The following TMX2 variants were observed in gnomAD, a reference collection of about 807,000 sequenced individuals.
The protein encoded by TMX2 is thioredoxin related transmembrane protein 2.
Under a neutral mutation model 33.4 loss-of-function variants are expected in TMX2, and 20 were observed. The ratio of observed to expected loss-of-function variants is 0.60; its 90% CI spans 0.42 to 0.87. The LOEUF (loss-of-function observed/expected upper bound fraction) is 0.87. Among genes scored for constraint, TMX2 ranks in the 40% least tolerant of loss-of-function variants. The probability of loss-of-function intolerance (pLI) is 0.00; values close to 1 mark genes in which losing one functional copy is unlikely to be tolerated. For missense variants in TMX2, 340 were observed against 370.7 expected, an observed-to-expected ratio of 0.92 and a Z score of 0.68; for synonymous variants, 166 against 140.7, an observed-to-expected ratio of 1.18 and a Z score of -1.27.
At chr11:57,733,547 G>T (rs577400533) in intron 1 of TMX2, among the ~76,000 whole-genome samples, 4 of 151,902 alleles carry the variant, frequency 2.6e-5, no homozygotes, top group Non-Finnish European at 5.9e-5. Flanking sequence ...GTGAGTCACC[G>T]CGCCCAGCCT....
chr11:57,718,107 T>C, intron 1 of TMX2: 2 of 1,237,268 alleles, frequency 1.6e-6, no homozygotes, highest in Admixed American at 1.7e-5. Flanking sequence ...CCCAAAGCGC[T>C]CCATGGCCTC....
Position 57,739,019 on chromosome 11 carries a change from C to A in TMX2, c.594C>A (p.Arg198=). Residue 198 remains arginine (R), a synonymous_variant, in exon 6 of 8, where the codon CGC becomes CGA. Coordinates refer to ENST00000278422, the MANE Select transcript of TMX2 (RefSeq NM_015959.4). ...GLNFGKVDVG[R]YTDVSTRYKV... ...ATTTTGGGAAGGTGGATGTTGGACG[C>A]TATACTGATGTTAGTACGCGGTATG... The A allele has an allele frequency of 1.2e-6, 2 of 1,614,110 alleles. No individual in the cohort carries two copies. The highest frequency in any genetic ancestry group is 1.7e-6 in the Non-Finnish European group (2 of 1,180,020).
Position 57,712,809 on chromosome 11 carries a change from T to TA in TMX2, c.189+2_189+3insA, listed in dbSNP as rs1946693759. 1.9e-6 allele frequency: 3 copies of TA among 1,613,932 alleles called. No individual in the cohort carries two copies. The highest frequency in any genetic ancestry group is 1.7e-6 in the Non-Finnish European group (2 of 1,179,960). ...GGTAACCCGTGTGACTTTGACTGGGTGAGCCTCCCGCGTGTTAGTACCCCG... is the reference window on the plus strand; with the variant it reads ...GGTAACCCGTGTGACTTTGACTGGGTAGAGCCTCCCGCGTGTTAGTACCCCG... On this transcript the variant is annotated splice_region_variant and intron_variant, in intron 1 of 7. Transcript: ENST00000278422.
At chr11:57,728,155 T>C (rs773452591) in intron 1 of TMX2, among the ~76,000 whole-genome samples, 2 of 150,388 alleles carry the variant, frequency 1.3e-5, no homozygotes, top group Non-Finnish European at 3.0e-5. Context: ...GAAAATATTT[T>C]ACAGAGTTTC....
In TMX2 at chr11:57,739,275, G is replaced by A; in HGVS notation, c.744+15G>A. ...CCTTCTCTGAGGTACCTGAAAGGAA[G>A]GGCAGGTGCATGAAGGGTGCAGAAC... On this transcript the variant is annotated intron_variant, in intron 7 of 7. Transcript: ENST00000278422. 1.2e-6 allele frequency: 2 copies of A among 1,614,048 alleles called. No individual in the cohort carries two copies. The highest frequency in any genetic ancestry group is 8.5e-7 in the Non-Finnish European group (1 of 1,180,012).
At chr11:57,721,001 A>G (rs1344204031) in intron 1 of TMX2, among the ~76,000 whole-genome samples, 2 of 137,084 alleles carry the variant, frequency 1.5e-5, no homozygotes, top group Admixed American at 1.6e-4. Context: ...TACTAGAAAG[A>G]TAGCTGTTTT....
intron 1 of TMX2, among the ~76,000 whole-genome samples, chr11:57,726,233 T>C (rs1947972935): frequency 6.6e-6 from 1 of 151,966 alleles, no homozygotes; most frequent in African/African-American, 2.4e-5. Context: ...GGCAACATGG[T>C]GAAACCCCAT....
intron 1 of TMX2, chr11:57,718,173 C>A: frequency 8.0e-7 from 1 of 1,254,508 alleles, no homozygotes; most frequent in Non-Finnish European, 1.2e-6. Flanking sequence ...GCCATCCAAC[C>A]ACTCACTCTT....
chr11:57,723,632 C>G (rs1158446927), intron 1 of TMX2, among the ~76,000 whole-genome samples: 1 of 149,810 alleles, frequency 6.7e-6, no homozygotes, highest in Non-Finnish European at 1.5e-5. Flanking sequence ...GAAACCCTGT[C>G]CTACTAAAAA....
Position 57,737,931 on chromosome 11 carries a change from T to G in TMX2, c.269T>G (p.Ile90Arg). The G allele has an allele frequency of 6.2e-7, 1 of 1,614,176 alleles. No individual in the cohort carries two copies. The change falls in exon 3 of 8, where the codon ATA becomes AGA. Residue 90 changes from isoleucine to arginine, a missense_variant. By Grantham distance (97) the Ile-to-Arg change is moderately conservative. Coordinates refer to ENST00000278422, the MANE Select transcript of TMX2 (RefSeq NM_015959.4). ...GTTTCAGTCACTGTGGAGCAACATA[T>G]AGGCAACATTTTCATGTTTAGTAAA... ...NRRSITVEQH[I>R]GNIFMFSKVA...
Position 57,738,040 on chromosome 11 carries a change from C to T in TMX2, c.364+14C>T, listed in dbSNP as rs1948858332. On this transcript the variant is annotated intron_variant, in intron 3 of 7. Coordinates refer to ENST00000278422, the MANE Select transcript of TMX2 (RefSeq NM_015959.4). Reference sequence around the variant, plus strand: ...CACTCTGCATAGGTGAGGAGACTGCCTTTCTTTCTTTTTTTTTTTTTGTAA... The same window carrying T: ...CACTCTGCATAGGTGAGGAGACTGCTTTTCTTTCTTTTTTTTTTTTTGTAA... 2 of 1,551,252 alleles carry T rather than the reference C, an allele frequency of 1.3e-6. No individual in the cohort carries two copies.
intron 1 of TMX2, among the ~76,000 whole-genome samples, chr11:57,732,528 T>C (rs1948463608): frequency 6.6e-6 from 1 of 152,236 alleles, no homozygotes; most frequent in African/African-American, 2.4e-5. Flanking sequence ...AGACCTTTTA[T>C]AAAGTTCATT....
chr11:57,728,767 G>A (rs972887149), intron 1 of TMX2, among the ~76,000 whole-genome samples: 2 of 152,120 alleles, frequency 1.3e-5, no homozygotes, highest in African/African-American at 4.8e-5. Context: ...TGAAGAGAAA[G>A]GGTGTTTGCT....
chr11:57,730,039 G>A (rs1186091071), intron 1 of TMX2, among the ~76,000 whole-genome samples: 1 of 151,572 alleles, frequency 6.6e-6, no homozygotes, highest in Non-Finnish European at 1.5e-5. Flanking sequence ...GGGAGATGGA[G>A]GTTGTGGTGA....
chr11:57,740,926 A>C lies in TMX2; in HGVS notation c.*681A>C, dbSNP rs943064842. ...ACTAACCCTCTGACATACTCCCCAC[A>C]CCCAGTTGATGGCTTTCCGTAATAA... On this transcript the variant is annotated 3_prime_UTR_variant, in exon 8 of 8. Coordinates refer to ENST00000278422, the MANE Select transcript of TMX2 (RefSeq NM_015959.4). 1 of 152,248 alleles carries C rather than the reference A, an allele frequency of 6.6e-6. No individual in the cohort carries two copies. The highest frequency in any genetic ancestry group is 2.4e-5 in the African/African-American group (1 of 41,458). The allele number at this position is 152,248 out of a possible 1,614,324, so 9.4% of individuals were successfully genotyped here. A position where few individuals can be genotyped will look rare whatever the true frequency, so the allele number is the denominator to read the frequency against.
rs140055171 is a variant in TMX2, at chr11:57,739,936, A to G, written c.745-163A>G. ...GGCACATAATGGGTATTTAACTATT[A>G]GTTGACTTTTCTGGGTACCTAAAAA... is the stretch of plus-strand genomic sequence containing the variant. On this transcript the variant is annotated intron_variant, in intron 7 of 7. Transcript: ENST00000278422. 8.5e-5 allele frequency among the ~76,000 whole-genome samples: 13 copies of G among 152,274 alleles called. No homozygotes were observed. In the East Asian group the frequency reaches 2.3e-3, roughly 27 times the overall value.
At chr11:57,716,895 C>T (rs1306600918) in intron 1 of TMX2, among the ~76,000 whole-genome samples, 2 of 151,736 alleles carry the variant, frequency 1.3e-5, no homozygotes, top group African/African-American at 4.9e-5. Flanking sequence ...AGACGCTCCT[C>T]ATTTCCCAGA....
rs370869840 is a variant in TMX2 at position 57,712,817 on chromosome 11, C to A, written c.189+10C>A. 6.2e-7 allele frequency: 1 copy of A among 1,613,696 alleles called. No individual in the cohort carries two copies. Among genetic ancestry groups the A allele is most frequent in the Non-Finnish European group, 8.5e-7 (1 of 1,179,950 alleles). ...GTGTGACTTTGACTGGGTGAGCCTC[C>A]CGCGTGTTAGTACCCCGCGACCTTG... On this transcript the variant is annotated intron_variant, in intron 1 of 7. Coordinates refer to ENST00000278422, the MANE Select transcript of TMX2 (RefSeq NM_015959.4).
chr11:57,713,187 G>A (rs901764562), intron 1 of TMX2, among the ~76,000 whole-genome samples: 2 of 152,210 alleles, frequency 1.3e-5, no homozygotes, highest in African/African-American at 4.8e-5. Flanking sequence ...AAGGCAAGTA[G>A]TAATATTCCT....
Sources: gnomAD v4.1 joint callset for allele counts (sites outside exome capture counted in the v4.1 genomes callset) on GRCh38, gnomAD v4.1.1 for gene constraint, MANE v1.5 for transcripts, NCBI Gene and HGNC (gene_info 2026-07-23, HGNC 2026-07-21) for gene names.